CAMK1G: variants seen among roughly 807,000 people sequenced by gnomAD.
CAMK1G encodes the protein calcium/calmodulin-dependent protein kinase type 1G.
CAMK1G carries 27 observed loss-of-function variants against 54.8 expected under a neutral mutation model. The ratio of observed to expected loss-of-function variants is 0.49; its 90% CI spans 0.36 to 0.68. The LOEUF (loss-of-function observed/expected upper bound fraction) is 0.68. Ranked by LOEUF, CAMK1G falls within the 30% of genes least tolerant of loss-of-function variation. CAMK1G has a pLI of 0.00. For synonymous variants in CAMK1G, 238 were observed against 224.9 expected, an observed-to-expected ratio of 1.06 and a Z score of -0.52; for missense variants, 512 against 591.0, an observed-to-expected ratio of 0.87 and a Z score of 1.39.
In CAMK1G at chr1:209,611,445, G is replaced by A. The variant is rs183961643; in HGVS notation, c.828-20G>A. The stretch of plus-strand genomic sequence containing the variant: ...GTAAATAGCCACCCAGTAGCCAGGT[G>A]TCCCCTCTTACATCCACAGGATTGA... On this transcript the variant is annotated intron_variant, in intron 9 of 12. Transcript: ENST00000361322. 1.2e-4 allele frequency: 201 copies of A among 1,613,418 alleles called. No individual in the cohort carries two copies. In the African/African-American group the frequency reaches 2.3e-3, roughly 18 times the overall value.
At chr1:209,584,416 G>A (rs1665043009) in intron 1 of CAMK1G, among the ~76,000 whole-genome samples, 1 of 152,192 alleles carries the variant, frequency 6.6e-6, no homozygotes, top group African/African-American at 2.4e-5. Context: ...ACGCAGCCGA[G>A]CTATCGCTGT....
At chr1:209,603,408 C>A in intron 4 of CAMK1G, 120 bp downstream of exon 4, 1 of 740,080 alleles carries the variant, frequency 1.4e-6, no homozygotes, top group Non-Finnish European at 2.3e-6. Flanking sequence ...AGACTTCATT[C>A]AGGAGGCTCA....
intron 4 of CAMK1G, among the ~76,000 whole-genome samples, chr1:209,604,520 C>T (rs1389473070): frequency 6.6e-6 from 1 of 152,164 alleles, no homozygotes; most frequent in Non-Finnish European, 1.5e-5. Flanking sequence ...AGACCAAAAG[C>T]CAAAGAGCAG....
At chr1:209,585,930 C>A (rs1478315155) in intron 1 of CAMK1G, among the ~76,000 whole-genome samples, 1 of 152,220 alleles carries the variant, frequency 6.6e-6, no homozygotes, top group South Asian at 2.1e-4. Context: ...CGGTCAATGG[C>A]GAGGGGGTTG....
At position 209,595,040 on chromosome 1, in the gene CAMK1G, C is replaced by A; in HGVS notation, c.57C>A (p.Ile19=). ...CSSWKKQTTN[I]RKTFIFMEVL... ...CCTGGAAGAAACAGACCACCAACAT[C>A]CGGAAAACCTTCATTTTTATGGAAG... is the stretch of plus-strand genomic sequence containing the variant. The change falls in exon 2 of 13, where the codon ATC becomes ATA. Residue 19 remains isoleucine (I), a synonymous_variant. Transcript: ENST00000361322. The A allele has an allele frequency of 5.6e-6, 9 of 1,614,102 alleles. No individual in the cohort carries two copies. The highest frequency in any genetic ancestry group is 6.8e-6 in the Non-Finnish European group (8 of 1,179,984).
chr1:209,595,378 C>A (rs958526148), intron 2 of CAMK1G, among the ~76,000 whole-genome samples: 3 of 152,058 alleles, frequency 2.0e-5, no homozygotes, highest in Admixed American at 6.5e-5. Context: ...ACCGAGATTG[C>A]GCTACTGTAT....
chr1:209,586,841 C>T (rs546635146), intron 1 of CAMK1G, among the ~76,000 whole-genome samples: 1 of 152,224 alleles, frequency 6.6e-6, no homozygotes, highest in Admixed American at 6.5e-5. Context: ...TCTCAGCTAC[C>T]GCATGAAGCC....
At chr1:209,611,392 A>T in intron 9 of CAMK1G, 73 bp from the exon 10 acceptor site, 1 of 1,390,844 alleles carries the variant, frequency 7.2e-7, no homozygotes, top group South Asian at 1.2e-5. Context: ...CTAGACCTGC[A>T]GGCACCCTGC....
At chr1:209,596,037 C>A (rs1398600311) in intron 2 of CAMK1G, among the ~76,000 whole-genome samples, 1 of 152,252 alleles carries the variant, frequency 6.6e-6, no homozygotes, top group African/African-American at 2.4e-5. Flanking sequence ...AGCCAGCGGG[C>A]TGTCCATCCG....
At chr1:209,586,769 T>C (rs1366332972) in intron 1 of CAMK1G, among the ~76,000 whole-genome samples, 1 of 152,040 alleles carries the variant, frequency 6.6e-6, no homozygotes, top group Non-Finnish European at 1.5e-5. Context: ...CCAATATACT[T>C]AGCAGCACAC....
At position 209,611,989 on chromosome 1, in the gene CAMK1G, C is replaced by T. The variant is rs1665792634; in HGVS notation, c.1113C>T (p.Thr371=). The T allele has an allele frequency of 6.2e-7, 1 of 1,614,262 alleles. No individual in the cohort carries two copies. The highest frequency in any genetic ancestry group is 1.6e-4 in the Middle Eastern group (1 of 6,062). Residue 371 remains threonine (T), a synonymous_variant, in exon 11 of 13, where the codon ACC becomes ACT. Coordinates refer to ENST00000361322, the MANE Select transcript of CAMK1G (RefSeq NM_020439.3). ...LDHSVALPAL[T]QLPCQHGRRP... ...ACAGTGTAGCACTCCCTGCCCTGAC[C>T]CAATTACCCTGCCAGCATGGCCGCC...
intron 1 of CAMK1G, among the ~76,000 whole-genome samples, chr1:209,592,794 G>A (rs78624578): frequency 0.018 from 2,706 of 152,174 alleles, 106 homozygotes; most frequent in African/African-American, 0.062. Context: ...CAAGAGCCTC[G>A]CTTGTATCAT....
At chr1:209,583,835 A>G (rs569830406) in intron 1 of CAMK1G, 63 bp downstream of exon 1, 2 of 152,320 alleles carry the variant, frequency 1.3e-5, no homozygotes, top group South Asian at 2.1e-4. Context: ...GGAAGCGTGC[A>G]GCACCTAGTG....
chr1:209,600,251 C>T (rs550050547), intron 3 of CAMK1G, 140 bp downstream of exon 3: 38 of 981,786 alleles, frequency 3.9e-5, no homozygotes, highest in Non-Finnish European at 5.3e-5. Flanking sequence ...TCAGTTCAGT[C>T]AATTAGCTAA....
intron 8 of CAMK1G, among the ~76,000 whole-genome samples, chr1:209,609,339 G>T (rs76001087): frequency 1.3e-5 from 2 of 151,932 alleles, no homozygotes; most frequent in African/African-American, 4.8e-5. Context: ...AGATGGGGGG[G>T]CAGTTTAGAA....
chr1:209,604,812 T>C (rs1413772894), intron 4 of CAMK1G, among the ~76,000 whole-genome samples: 3 of 152,164 alleles, frequency 2.0e-5, no homozygotes, highest in Non-Finnish European at 4.4e-5. Context: ...CTGGTAGAAA[T>C]GACAGGGCAT....
chr1:209,608,922 G>T (rs947729068), intron 7 of CAMK1G, 58 bp from the exon 8 acceptor site: 2 of 1,603,194 alleles, frequency 1.2e-6, no homozygotes, highest in African/African-American at 2.7e-5. Context: ...GAGCAGAGAG[G>T]CTGGCTCAGG....
At chr1:209,605,697 T>A in intron 5 of CAMK1G, 23 bp downstream of exon 5, 1 of 1,607,456 alleles carries the variant, frequency 6.2e-7, no homozygotes, top group South Asian at 1.1e-5. Flanking sequence ...GAGTCCTGGG[T>A]GGGAAACAGA....
chr1:209,600,142 T>A lies in CAMK1G; in HGVS notation c.221+31T>A, dbSNP rs748278959. Reference sequence around the variant, plus strand: ...TGGGTCTTAGTGTTGACTGGATCACTATGGGATCACAACATTTTCTTCACA... The same window carrying A: ...TGGGTCTTAGTGTTGACTGGATCACAATGGGATCACAACATTTTCTTCACA... On this transcript the variant is annotated intron_variant, in intron 3 of 12. Coordinates refer to ENST00000361322, the MANE Select transcript of CAMK1G (RefSeq NM_020439.3). 1.9e-6 allele frequency: 3 copies of A among 1,604,050 alleles called. No homozygotes were observed. In the South Asian group the frequency reaches 3.3e-5, roughly 18 times the overall value.
Sources: allele counts gnomAD v4.1 joint callset (sites outside exome capture counted in the v4.1 genomes callset), GRCh38; gene constraint gnomAD v4.1.1; transcripts MANE v1.5; gene names NCBI Gene and HGNC (gene_info 2026-07-23, HGNC 2026-07-21).